Variants in SLIT3 observed in about 807,000 individuals in gnomAD.
SLIT3 encodes slit homolog 3 protein.
In SLIT3, 68 loss-of-function variants were observed where a neutral mutation model predicts 184.0. That is an observed-to-expected ratio of 0.37 (90% CI 0.30 to 0.45). The LOEUF (loss-of-function observed/expected upper bound fraction) is 0.45, where lower values mean the gene tolerates loss of function less well. Ranked by LOEUF, SLIT3 falls within the 20% of genes least tolerant of loss-of-function variation. The pLI is 1.00. For missense variants in SLIT3, 1,707 were observed against 2,026.0 expected (o/e 0.84, Z 3.02); for synonymous variants, 831 against 828.6 (o/e 1.00, Z -0.05).
At chr5:168,786,026 C>G in intron 11 of SLIT3, 48 bp from the exon 12 acceptor site, 1 of 1,314,746 alleles carries the variant, frequency 7.6e-7, no homozygotes, top group South Asian at 1.2e-5. Context: ...TGTGAGGCCA[C>G]CAGAACCCAG....
chr5:169,123,309 G>T (rs984695110), intron 4 of SLIT3, among the ~76,000 whole-genome samples: 1 of 152,100 alleles, frequency 6.6e-6, no homozygotes, highest in Non-Finnish European at 1.5e-5. Context: ...GATGCTTTAT[G>T]AAAAGTTGAT....
intron 4 of SLIT3, among the ~76,000 whole-genome samples, chr5:169,129,045 C>T (rs1428560132): frequency 6.6e-6 from 1 of 152,156 alleles, no homozygotes; most frequent in Non-Finnish European, 1.5e-5. Context: ...TTGGACACGG[C>T]AGGGGAGCGG....
chr5:169,265,585 G>A (rs1488965741), intron 1 of SLIT3, among the ~76,000 whole-genome samples: 1 of 152,118 alleles, frequency 6.6e-6, no homozygotes, highest in Non-Finnish European at 1.5e-5. Context: ...CAGATAGCCT[G>A]GGCTCAAATC....
intron 3 of SLIT3, among the ~76,000 whole-genome samples, chr5:169,229,746 C>T (rs1029945260): frequency 3.6e-4 from 54 of 151,908 alleles, no homozygotes; most frequent in African/African-American, 1.2e-3. Flanking sequence ...ATGGCTGTGC[C>T]GATCTCAAAA....
chr5:168,721,851 A>G (rs1449567702), intron 23 of SLIT3, among the ~76,000 whole-genome samples: 1 of 152,164 alleles, frequency 6.6e-6, no homozygotes, highest in East Asian at 1.9e-4. Context: ...GAGGTTCACC[A>G]TGCTGCATTG....
At chr5:168,824,741 T>C (rs1757643790) in intron 6 of SLIT3, among the ~76,000 whole-genome samples, 1 of 152,058 alleles carries the variant, frequency 6.6e-6, no homozygotes, top group African/African-American at 2.4e-5. Flanking sequence ...TATTCTCCGC[T>C]CCTCCCAGAA....
At position 168,933,858 on chromosome 5, in the gene SLIT3, T is replaced by G. The variant is rs548570905; in HGVS notation, c.414-50522A>C. Among the ~76,000 whole-genome samples the G allele has an allele frequency of 2.0e-5, 3 of 152,236 alleles. No homozygotes were observed. The East Asian group carries it at 5.8e-4, about 29-fold the overall frequency. On this transcript the variant is annotated intron_variant, in intron 4 of 35. Coordinates refer to ENST00000519560, the MANE Select transcript of SLIT3 (RefSeq NM_003062.4). ...CAAGAGTGATGCGCTAACAGATGAT[T>G]TAAGAGGAGGAGCCTGGCTAGGAAG...
intron 16 of SLIT3, among the ~76,000 whole-genome samples, chr5:168,756,734 A>C (rs1474378265): frequency 6.6e-6 from 1 of 152,200 alleles, no homozygotes; most frequent in Non-Finnish European, 1.5e-5. Flanking sequence ...AGCAGCTATA[A>C]GTCACCCGAA....
intron 4 of SLIT3, among the ~76,000 whole-genome samples, chr5:169,034,565 C>T (rs921963818): frequency 6.6e-6 from 1 of 152,126 alleles, no homozygotes; most frequent in African/African-American, 2.4e-5. Flanking sequence ...GACTAGTAAA[C>T]CATTTATATT....
Position 168,748,473 on chromosome 5 carries a change from TA to T in SLIT3, c.2138-40del. ...CAGAGAGGGTGAGGGTTGTGGGAGA[TA>T]AGCCCCACTAGGGGGAGCCAGTGAG... On this transcript the variant is annotated intron_variant, in intron 19 of 35. Coordinates refer to ENST00000519560, the MANE Select transcript of SLIT3 (RefSeq NM_003062.4). 2.0e-6 allele frequency: 3 copies of T among 1,499,122 alleles called. No homozygotes were observed. The South Asian group carries it at 4.1e-5, about 20-fold the overall frequency. The allele number at this position is 1,499,122 out of a possible 1,614,324, so 92.9% of individuals were successfully genotyped here.
At position 169,046,506 on chromosome 5, in the gene SLIT3, G is replaced by A. The variant is rs368891018; in HGVS notation, c.413+146973C>T. ...TCTTTGGATATTTAAAATGTCTCCG[G>A]ATCCATAATCCTATCCCTACACTTG... On this transcript the variant is annotated intron_variant, in intron 4 of 35. Transcript: ENST00000519560. 1.8e-3 allele frequency among the ~76,000 whole-genome samples: 279 copies of A among 152,230 alleles called. 3 individuals are homozygous for A. Among genetic ancestry groups the A allele is most frequent in the African/African-American group, 6.4e-3 (264 of 41,534 alleles).
chr5:169,037,113 T>A (rs970700620), intron 4 of SLIT3, among the ~76,000 whole-genome samples: 1 of 138,886 alleles, frequency 7.2e-6, no homozygotes, highest in Non-Finnish European at 1.5e-5. Flanking sequence ...CCATCGTGCC[T>A]ATTCATGTAG....
Position 169,252,904 on chromosome 5 carries a change from A to G in SLIT3, c.198-1445T>C, listed in dbSNP as rs1031306061. Among the ~76,000 whole-genome samples, 7 of 152,336 alleles carry G rather than the reference A, an allele frequency of 4.6e-5. No individual in the cohort carries two copies. The East Asian group carries it at 1.3e-3, about 29-fold the overall frequency. On this transcript the variant is annotated intron_variant, in intron 1 of 35. Transcript: ENST00000519560. The stretch of plus-strand genomic sequence containing the variant: ...GAGGAGGGATTAATCTCCTGGTATC[A>G]GACATAATACTGAAATAAAAATCAA...
At chr5:169,268,797 AGTTGTACT>A (rs1360761255) in intron 1 of SLIT3, among the ~76,000 whole-genome samples, 1 of 152,226 alleles carries the variant, frequency 6.6e-6, no homozygotes, top group Non-Finnish European at 1.5e-5. Flanking sequence ...TTTTTTAAAA[AGTTGTACT>A]GCTGGAAAAC....
chr5:168,882,789 C>G (rs145949776), intron 5 of SLIT3, among the ~76,000 whole-genome samples: 105 of 152,274 alleles, frequency 6.9e-4, no homozygotes, highest in African/African-American at 2.1e-3. Context: ...TCCCCATGCT[C>G]TCTCAGGAGC....
At chr5:169,023,048 C>T (rs1377596971) in intron 4 of SLIT3, among the ~76,000 whole-genome samples, 1 of 152,192 alleles carries the variant, frequency 6.6e-6, no homozygotes, top group Admixed American at 6.5e-5. Flanking sequence ...TATGATGTTG[C>T]CTGAGGAAAC....
chr5:168,671,441 G>A lies in SLIT3; in HGVS notation c.3884C>T (p.Thr1295Met), dbSNP rs77512140. 139 of 1,613,400 alleles carry A rather than the reference G, an allele frequency of 8.6e-5. No homozygotes were observed. The highest frequency in any genetic ancestry group is 1.5e-4 in the Admixed American group (9 of 59,946). Residue 1295 changes from threonine to methionine, a missense_variant, in exon 34 of 36, where the codon ACG becomes ATG. Physicochemically the swap from Thr to Met is moderately conservative, Grantham distance 81. Transcript: ENST00000519560. ...STGLSALRQG[T>M]DRPLGGFHGC... is the part of the protein sequence containing the mutation. ...GTGGAAGCCGCCTAGAGGCCGGTCCGTGCCCTGGCGCAAGGCAGAGAGGCC... is the reference window on the plus strand; with the variant it reads ...GTGGAAGCCGCCTAGAGGCCGGTCCATGCCCTGGCGCAAGGCAGAGAGGCC...
chr5:169,138,411 A>T (rs1266714804), intron 4 of SLIT3, among the ~76,000 whole-genome samples: 4 of 152,078 alleles, frequency 2.6e-5, no homozygotes, highest in Admixed American at 2.6e-4. Flanking sequence ...TCCTGCAGCC[A>T]CATATCTGCC....
chr5:168,799,898 G>C (rs545440793), intron 9 of SLIT3, among the ~76,000 whole-genome samples: 44 of 152,282 alleles, frequency 2.9e-4, no homozygotes, highest in African/African-American at 1.1e-3. Flanking sequence ...CTAGTGAATG[G>C]TGGAGCCTGA....
Sources: allele counts gnomAD v4.1 joint callset (sites outside exome capture counted in the v4.1 genomes callset), GRCh38; gene constraint gnomAD v4.1.1; transcripts MANE v1.5; gene names NCBI Gene and HGNC (gene_info 2026-07-23, HGNC 2026-07-21).